Variants in DLG2 observed in about 807,000 individuals in gnomAD.
DLG2 encodes discs large MAGUK scaffold protein 2, also known as disks large homolog 2.
Under a neutral mutation model 132.5 loss-of-function variants are expected in DLG2, and 45 were observed. The ratio of observed to expected loss-of-function variants is 0.34; its 90% CI spans 0.27 to 0.44. The LOEUF (loss-of-function observed/expected upper bound fraction) is 0.44. Among genes scored for constraint, DLG2 ranks in the 20% least tolerant of loss-of-function variants. DLG2 has a pLI of 1.00. For missense variants in DLG2, 1,045 were observed against 1,196.9 expected, an observed-to-expected ratio of 0.87 and a Z score of 1.87; for synonymous variants, 424 against 419.6, an observed-to-expected ratio of 1.01 and a Z score of -0.13.
chr11:85,517,288 T>C (rs997688010), intron 3 of DLG2, among the ~76,000 whole-genome samples: 2 of 151,802 alleles, frequency 1.3e-5, no homozygotes, highest in Middle Eastern at 6.8e-3. Context: ...TACCTCAAAA[T>C]AATAAAAGCC....
chr11:84,971,000 G>A (rs577217479), intron 6 of DLG2, among the ~76,000 whole-genome samples: 82 of 152,184 alleles, frequency 5.4e-4, no homozygotes, highest in Middle Eastern at 3.4e-3. Context: ...TAAATTACTT[G>A]GGGTATAAGG....
intron 6 of DLG2, among the ~76,000 whole-genome samples, chr11:84,781,923 A>C (rs1597997533): frequency 6.6e-6 from 1 of 152,096 alleles, no homozygotes; most frequent in African/African-American, 2.4e-5. Context: ...GGCTGGATGG[A>C]GGACAGACCT....
At chr11:85,095,017 C>T (rs560336625) in intron 6 of DLG2, among the ~76,000 whole-genome samples, 47 of 152,234 alleles carry the variant, frequency 3.1e-4, no homozygotes, top group African/African-American at 1.1e-3. Context: ...TCTCAAAAAA[C>T]AGAGAAGCTC....
At position 84,750,994 on chromosome 11, in the gene DLG2, G is replaced by A. The variant is rs145635451; in HGVS notation, c.358-216263C>T. Among the ~76,000 whole-genome samples the A allele has an allele frequency of 1.9e-3, 291 of 152,208 alleles. 3 individuals carry two copies. Among genetic ancestry groups the A allele is most frequent in the African/African-American group, 6.6e-3 (274 of 41,538 alleles). On this transcript the variant is annotated intron_variant, in intron 6 of 27. Coordinates refer to ENST00000376104, the MANE Select transcript of DLG2 (RefSeq NM_001142699.3). ...ATCCTATTAAGTCAAGAATTTACCTGTTATTGGCAATGTATTTAACTGATG... is the reference window on the plus strand; with the variant it reads ...ATCCTATTAAGTCAAGAATTTACCTATTATTGGCAATGTATTTAACTGATG...
Position 84,172,166 on chromosome 11 carries a change from T to A in DLG2, c.574-8655A>T, listed in dbSNP as rs142754219. Among the ~76,000 whole-genome samples the A allele has an allele frequency of 1.0e-3, 158 of 152,348 alleles. 1 individual carries two copies. Among genetic ancestry groups the A allele is most frequent in the African/African-American group, 3.4e-3 (141 of 41,588 alleles). On this transcript the variant is annotated intron_variant, in intron 8 of 27. Transcript: ENST00000376104. The stretch of plus-strand genomic sequence containing the variant: ...AAAGATTTTCTGCTTAAGCTTTGTT[T>A]AGAACCTGTTTTAATGTAAGGTATA...
At chr11:84,922,485 G>T (rs904498431) in intron 6 of DLG2, among the ~76,000 whole-genome samples, 4 of 152,138 alleles carry the variant, frequency 2.6e-5, no homozygotes, top group African/African-American at 9.7e-5. Context: ...GAATGTCAGT[G>T]GGGTGACAAC....
chr11:85,298,896 G>A (rs2079412519), intron 3 of DLG2, among the ~76,000 whole-genome samples: 1 of 152,118 alleles, frequency 6.6e-6, no homozygotes, highest in South Asian at 2.1e-4. Context: ...TTTTTTAAGT[G>A]CTGTACTGTA....
At chr11:84,047,161 T>C (rs1055849627) in intron 11 of DLG2, among the ~76,000 whole-genome samples, 3 of 151,602 alleles carry the variant, frequency 2.0e-5, no homozygotes, top group Non-Finnish European at 4.4e-5. Flanking sequence ...TCTAAGAAGA[T>C]ACTTGGGAAA....
chr11:85,573,859 T>A (rs1317682377), intron 3 of DLG2, among the ~76,000 whole-genome samples: 2 of 152,206 alleles, frequency 1.3e-5, no homozygotes, highest in Non-Finnish European at 2.9e-5. Context: ...TAATAAATCA[T>A]GTAGAACCTT....
intron 3 of DLG2, among the ~76,000 whole-genome samples, chr11:85,501,777 T>C (rs2153129946): frequency 6.6e-6 from 1 of 152,246 alleles, no homozygotes; most frequent in Middle Eastern, 3.4e-3. Flanking sequence ...CAACAGATGC[T>C]GGAGAGGTTG....
chr11:83,787,506 A>G (rs1485600587), intron 17 of DLG2, among the ~76,000 whole-genome samples: 2 of 151,576 alleles, frequency 1.3e-5, no homozygotes, highest in East Asian at 1.9e-4. Context: ...TATTTTCAGT[A>G]GAGACGGGGT....
intron 7 of DLG2, among the ~76,000 whole-genome samples, chr11:84,433,472 C>T (rs1331823466): frequency 2.2e-4 from 33 of 152,072 alleles, no homozygotes; most frequent in Admixed American, 2.2e-3. Flanking sequence ...TACACAGGGT[C>T]AAAACAAAGA....
chr11:84,198,117 T>C (rs1360539090), intron 8 of DLG2, among the ~76,000 whole-genome samples: 1 of 152,184 alleles, frequency 6.6e-6, no homozygotes, highest in African/African-American at 2.4e-5. Context: ...ATATTTTGCC[T>C]TGAAAACTAA....
At chr11:83,819,598 C>G (rs535688113) in intron 17 of DLG2, among the ~76,000 whole-genome samples, 52 of 151,402 alleles carry the variant, frequency 3.4e-4, no homozygotes, top group African/African-American at 1.2e-3. Flanking sequence ...TGAAAAACTA[C>G]CCATAGCTTA....
At chr11:84,742,836 C>A (rs945913634) in intron 6 of DLG2, among the ~76,000 whole-genome samples, 45 of 152,234 alleles carry the variant, frequency 3.0e-4, no homozygotes, top group South Asian at 6.2e-4. Flanking sequence ...CCTAGGCAAC[C>A]CACTGAACTT....
intron 3 of DLG2, among the ~76,000 whole-genome samples, chr11:85,343,987 G>A (rs2082671025): frequency 6.6e-6 from 1 of 152,130 alleles, no homozygotes; most frequent in Admixed American, 6.5e-5. Flanking sequence ...TGTGAAGGAA[G>A]TTAATTTTTA....
chr11:85,503,081 T>C (rs2093842573), intron 3 of DLG2, among the ~76,000 whole-genome samples: 1 of 152,068 alleles, frequency 6.6e-6, no homozygotes, highest in African/African-American at 2.4e-5. Context: ...AAAGAATACA[T>C]AAAGTATTAT....
intron 6 of DLG2, among the ~76,000 whole-genome samples, chr11:85,012,634 T>C (rs191945715): frequency 6.6e-6 from 1 of 152,082 alleles, no homozygotes; most frequent in African/African-American, 2.4e-5. Context: ...ATGAAAAAAA[T>C]TATTTGCTGA....
intron 9 of DLG2, among the ~76,000 whole-genome samples, chr11:84,110,692 C>T (rs2093297299): frequency 6.6e-6 from 1 of 152,174 alleles, no homozygotes; most frequent in Non-Finnish European, 1.5e-5. Context: ...AGCCATGCAG[C>T]ACTAGGTCAC....
Sources: allele counts gnomAD v4.1 joint callset (sites outside exome capture counted in the v4.1 genomes callset), GRCh38; gene constraint gnomAD v4.1.1; transcripts MANE v1.5; gene names NCBI Gene and HGNC (gene_info 2026-07-23, HGNC 2026-07-21).